The following SLC23A2 variants were observed in gnomAD, a reference collection of about 807,000 sequenced individuals.
SLC23A2 encodes solute carrier family 23 member 2.
Under a neutral mutation model 73.3 loss-of-function variants are expected in SLC23A2, and 36 were observed. The observed-to-expected ratio is 0.49, with a 90% CI of 0.38 to 0.65. The LOEUF (loss-of-function observed/expected upper bound fraction) is 0.65. Among genes scored for constraint, SLC23A2 ranks in the 30% least tolerant of loss-of-function variants. The pLI is 0.00. For missense variants in SLC23A2, 507 were observed against 841.6 expected, an observed-to-expected ratio of 0.60 and a Z score of 4.92; for synonymous variants, 343 against 327.3, an observed-to-expected ratio of 1.05 and a Z score of -0.52.
intron 4 of SLC23A2, among the ~76,000 whole-genome samples, chr20:4,905,352 C>T (rs1931906068): frequency 6.6e-6 from 1 of 152,176 alleles, no homozygotes. Flanking sequence ...TGCCCCCCCT[C>T]CTGATGACAG....
intron 1 of SLC23A2, among the ~76,000 whole-genome samples, chr20:5,009,122 G>A (rs944594391): frequency 1.3e-5 from 2 of 152,088 alleles, no homozygotes; most frequent in African/African-American, 4.8e-5. Context: ...GAGGCATTTG[G>A]CACAGCTGTA....
At chr20:4,931,913 C>T (rs1568630103) in intron 3 of SLC23A2, among the ~76,000 whole-genome samples, 1 of 152,250 alleles carries the variant, frequency 6.6e-6, no homozygotes, top group African/African-American at 2.4e-5. Context: ...TTATAGGTAA[C>T]TTTATACAAA....
chr20:4,863,839 T>C lies in SLC23A2; in HGVS notation c.1357-932A>G, dbSNP rs1930082843. ...CACCCAAATGCTCCTCTGAAAAGCA[T>C]CCCAACTCCAGGACTATTCCCCCAT... is the stretch of plus-strand genomic sequence containing the variant. On this transcript the variant is annotated intron_variant, in intron 13 of 16. Transcript: ENST00000338244. This position sits in a 1 kb window ranked among gnomAD's most constrained non-coding sequence, Gnocchi z 4.8. Among the ~76,000 whole-genome samples the C allele has an allele frequency of 6.6e-6, 1 of 152,178 alleles. No individual in the cohort carries two copies. Among genetic ancestry groups the C allele is most frequent in the Admixed American group, 6.5e-5 (1 of 15,280 alleles).
intron 2 of SLC23A2, among the ~76,000 whole-genome samples, chr20:4,965,872 CAGG>C (rs1159047310): frequency 6.7e-6 from 1 of 149,796 alleles, no homozygotes; most frequent in Non-Finnish European, 1.5e-5. Flanking sequence ...GAGGCTGGGG[CAGG>C]AGAATTGCTT....
At position 4,899,061 on chromosome 20, in the gene SLC23A2, G is replaced by A. The variant is rs573927136; in HGVS notation, c.482+494C>T. ...GAGATGGAAGTGGGGCAGAGAGCAAGGGCAAGCCTAAATGCTGGGTGCAGC... is the reference window on the plus strand; with the variant it reads ...GAGATGGAAGTGGGGCAGAGAGCAAAGGCAAGCCTAAATGCTGGGTGCAGC... On this transcript the variant is annotated intron_variant, in intron 6 of 16. Transcript: ENST00000338244. This position sits in a 1 kb window ranked among gnomAD's most constrained non-coding sequence, Gnocchi z 4.9. 6.6e-6 allele frequency among the ~76,000 whole-genome samples: 1 copy of A among 152,314 alleles called. No homozygotes were observed. The highest frequency in any genetic ancestry group is 1.9e-4 in the East Asian group (1 of 5,172).
intron 2 of SLC23A2, among the ~76,000 whole-genome samples, chr20:4,969,079 T>G (rs2087520887): frequency 6.7e-6 from 1 of 149,634 alleles, no homozygotes; most frequent in Admixed American, 6.8e-5. Context: ...TTTGGTTTTT[T>G]TTGTTGTTGT....
Position 4,869,927 on chromosome 20 carries a change from GGGGGT to G in SLC23A2, c.1224_1228del (p.Pro410HisfsTer18). On this transcript the variant is annotated frameshift_variant, in exon 12 of 17. Transcript: ENST00000338244. LOFTEE classifies it high-confidence loss of function. ...GTACCTGTTTATTGCGTGGATGGGG[GGGGGT>G]GGGGCACAGGACAGCCGTGCACAGG... 1 of 1,607,584 alleles carries G rather than the reference GGGGGT, an allele frequency of 6.2e-7. No individual in the cohort carries two copies. Among genetic ancestry groups the G allele is most frequent in the Non-Finnish European group, 8.5e-7 (1 of 1,174,308 alleles).
intron 2 of SLC23A2, among the ~76,000 whole-genome samples, chr20:4,955,670 G>C (rs933563319): frequency 3.0e-4 from 46 of 152,102 alleles, no homozygotes; most frequent in African/African-American, 1.1e-3. Flanking sequence ...AGTGCCTTTA[G>C]TCCTAGCTAC....
chr20:4,907,916 C>T (rs1932014250), intron 4 of SLC23A2, among the ~76,000 whole-genome samples: 1 of 151,786 alleles, frequency 6.6e-6, no homozygotes, highest in African/African-American at 2.4e-5. Context: ...CATGAGTTTA[C>T]ATAATTTGGC....
At chr20:4,887,037 T>A (rs1931130185) in intron 6 of SLC23A2, among the ~76,000 whole-genome samples, 1 of 152,232 alleles carries the variant, frequency 6.6e-6, no homozygotes. Flanking sequence ...GACTTCCTTG[T>A]TACAGATGCT....
chr20:4,942,395 A>AT (rs1322037631), intron 2 of SLC23A2, among the ~76,000 whole-genome samples: 3 of 151,146 alleles, frequency 2.0e-5, no homozygotes, highest in Admixed American at 1.3e-4. Flanking sequence ...AAAAAAAAAA[A>AT]GTCGCCTGGA....
intron 4 of SLC23A2, 141 bp downstream of exon 4, chr20:4,912,739 C>T (rs1026736309): frequency 2.0e-5 from 12 of 611,200 alleles, no homozygotes; most frequent in African/African-American, 3.7e-5. Context: ...ATGAAGAGAA[C>T]ACAGCCCCTT....
At chr20:4,949,270 A>G (rs1310926400) in intron 2 of SLC23A2, among the ~76,000 whole-genome samples, 1 of 149,666 alleles carries the variant, frequency 6.7e-6, no homozygotes, top group Non-Finnish European at 1.5e-5. Flanking sequence ...CCTGGGTGAC[A>G]GAGCGAGACT....
chr20:4,950,818 G>A (rs1178263253), intron 2 of SLC23A2, among the ~76,000 whole-genome samples: 2 of 152,174 alleles, frequency 1.3e-5, no homozygotes, highest in Non-Finnish European at 2.9e-5. Flanking sequence ...GGGAGTCCCT[G>A]AGATAAAGAC....
intron 4 of SLC23A2, among the ~76,000 whole-genome samples, chr20:4,909,369 A>G (rs1315951352): frequency 1.3e-5 from 2 of 152,168 alleles, no homozygotes; most frequent in Non-Finnish European, 2.9e-5. Flanking sequence ...GTTACTCTAC[A>G]TCAGGTTGCC....
chr20:4,860,956 G>A (rs980879109), intron 15 of SLC23A2, among the ~76,000 whole-genome samples: 6 of 152,300 alleles, frequency 3.9e-5, no homozygotes, highest in Admixed American at 3.3e-4. Context: ...CAGGAGAATC[G>A]CTTGAACCCA....
At chr20:4,962,420 C>G (rs2087408154) in intron 2 of SLC23A2, among the ~76,000 whole-genome samples, 1 of 152,124 alleles carries the variant, frequency 6.6e-6, no homozygotes, top group Non-Finnish European at 1.5e-5. Flanking sequence ...CAGAGAGCAC[C>G]ACAGAGCTGG....
chr20:4,914,793 C>A (rs369015018), intron 3 of SLC23A2, among the ~76,000 whole-genome samples: 1 of 152,166 alleles, frequency 6.6e-6, no homozygotes, highest in Non-Finnish European at 1.5e-5. Flanking sequence ...GTAATCCTGG[C>A]ACTTTGGAAG....
At chr20:4,952,972 G>A (rs1022728751) in intron 2 of SLC23A2, among the ~76,000 whole-genome samples, 2 of 150,672 alleles carry the variant, frequency 1.3e-5, no homozygotes, top group East Asian at 1.9e-4. Flanking sequence ...GCAGGGAGCC[G>A]AAATTGTGCC....
Sources: gnomAD v4.1 joint callset for allele counts (sites outside exome capture counted in the v4.1 genomes callset) on GRCh38, gnomAD v4.1.1 for gene constraint, Gnocchi (gnomAD v3.1) non-coding constraint, MANE v1.5 for transcripts, NCBI Gene and HGNC (gene_info 2026-07-23, HGNC 2026-07-21) for gene names.